PRKG1: variants seen among roughly 807,000 people sequenced by gnomAD.
The protein encoded by PRKG1 is cGMP-dependent protein kinase 1.
In PRKG1, 35 loss-of-function variants were observed where a neutral mutation model predicts 88.1. The observed-to-expected ratio is 0.40, with a 90% CI of 0.30 to 0.53. PRKG1 has a LOEUF of 0.53. Among genes scored for constraint, PRKG1 ranks in the 20% least tolerant of loss-of-function variants. The pLI is 0.59. For missense variants in PRKG1, 540 were observed against 839.8 expected, an observed-to-expected ratio of 0.64 and a Z score of 4.41; for synonymous variants, 303 against 292.5, an observed-to-expected ratio of 1.04 and a Z score of -0.37.
chr10:51,800,610 G>A (rs1052448211), intron 3 of PRKG1, among the ~76,000 whole-genome samples: 50 of 151,958 alleles, frequency 3.3e-4, no homozygotes, highest in African/African-American at 1.2e-3. Flanking sequence ...TTTTTAAGTG[G>A]GACCACTGTA....
rs186161387 is a variant in PRKG1 at position 51,723,415 on chromosome 10, T to G, written c.593-81170T>G. ...CATGTTCTCACTCATAAGTGGGAAT[T>G]GAACAACAAGAGCACATGAACACAG... On this transcript the variant is annotated intron_variant, in intron 3 of 17. Coordinates refer to ENST00000373980, the MANE Select transcript of PRKG1 (RefSeq NM_006258.4). Among the ~76,000 whole-genome samples, 8 of 152,210 alleles carry G rather than the reference T, an allele frequency of 5.3e-5. No homozygotes were observed. In the East Asian group the frequency reaches 1.2e-3, roughly 22 times the overall value.
chr10:51,634,962 T>A (rs1839618679), intron 3 of PRKG1, among the ~76,000 whole-genome samples: 1 of 152,058 alleles, frequency 6.6e-6, no homozygotes, highest in Admixed American at 6.6e-5. Context: ...GGGAGGAAGC[T>A]AAGGATTGAA....
At chr10:51,168,925 C>T (rs1188220557) in intron 2 of PRKG1, among the ~76,000 whole-genome samples, 1 of 152,108 alleles carries the variant, frequency 6.6e-6, no homozygotes, top group Non-Finnish European at 1.5e-5. Flanking sequence ...ATCCTTGATA[C>T]ATTTTGTGGG....
At chr10:52,061,740 C>A (rs1846240751) in intron 6 of PRKG1, among the ~76,000 whole-genome samples, 1 of 151,844 alleles carries the variant, frequency 6.6e-6, no homozygotes, top group African/African-American at 2.4e-5. Flanking sequence ...TAAAAAAGGG[C>A]CTATATGTAA....
intron 7 of PRKG1, among the ~76,000 whole-genome samples, chr10:52,123,834 AAT>A (rs1847874364): frequency 6.6e-6 from 1 of 152,098 alleles, no homozygotes; most frequent in Non-Finnish European, 1.5e-5. Flanking sequence ...AAAGAAAGTG[AAT>A]CTTAAAAAAA....
intron 2 of PRKG1, among the ~76,000 whole-genome samples, chr10:51,276,408 A>G (rs528706089): frequency 1.3e-5 from 2 of 152,316 alleles, no homozygotes; most frequent in Admixed American, 1.3e-4. Flanking sequence ...TATTGTGAAT[A>G]GTGCCGCAAT....
At chr10:51,762,547 C>T (rs1179128174) in intron 3 of PRKG1, among the ~76,000 whole-genome samples, 1 of 152,110 alleles carries the variant, frequency 6.6e-6, no homozygotes, top group Non-Finnish European at 1.5e-5. Flanking sequence ...GCAAAATGCC[C>T]TCATATAGCC....
chr10:50,998,217 T>C lies in PRKG1; in HGVS notation c.266+6573T>C, dbSNP rs150257188. On this transcript the variant is annotated intron_variant, in intron 1 of 17. Coordinates refer to the PRKG1 transcript ENST00000401604. ...CCTTTTCCATGCTCCTGGATCTGCCTGTGTTGTGTGTCCCTCTTTCGGGTC... is the reference window on the plus strand; with the variant it reads ...CCTTTTCCATGCTCCTGGATCTGCCCGTGTTGTGTGTCCCTCTTTCGGGTC... Among the ~76,000 whole-genome samples, 410 of 152,330 alleles carry C rather than the reference T, an allele frequency of 2.7e-3. 2 individuals are homozygous for C. Among genetic ancestry groups the C allele is most frequent in the African/African-American group, 9.5e-3 (395 of 41,570 alleles).
At chr10:51,837,263 A>C (rs1840155688) in intron 4 of PRKG1, among the ~76,000 whole-genome samples, 1 of 152,132 alleles carries the variant, frequency 6.6e-6, no homozygotes, top group Non-Finnish European at 1.5e-5. Context: ...AGTTTTATAA[A>C]GTTTTTTCTA....
chr10:52,079,360 G>A (rs1004175668), intron 7 of PRKG1, among the ~76,000 whole-genome samples: 1 of 152,002 alleles, frequency 6.6e-6, no homozygotes, highest in Non-Finnish European at 1.5e-5. Context: ...ACCCCTGCCC[G>A]AAGCCTGAGC....
intron 3 of PRKG1, among the ~76,000 whole-genome samples, chr10:51,766,029 A>G (rs1838153045): frequency 6.6e-6 from 1 of 152,078 alleles, no homozygotes; most frequent in African/African-American, 2.4e-5. Context: ...CTCATGTTGC[A>G]GTCACACCAA....
chr10:52,134,621 T>C (rs145620977), intron 8 of PRKG1, among the ~76,000 whole-genome samples: 1 of 152,284 alleles, frequency 6.6e-6, no homozygotes, highest in Non-Finnish European at 1.5e-5. Context: ...TGTATGTGGA[T>C]AAATTCATCG....
At chr10:52,073,327 T>A (rs760955274) in intron 7 of PRKG1, among the ~76,000 whole-genome samples, 3 of 152,146 alleles carry the variant, frequency 2.0e-5, no homozygotes, top group Non-Finnish European at 4.4e-5. Context: ...CTTCGACATA[T>A]CTTTTGGGAG....
intron 1 of PRKG1, among the ~76,000 whole-genome samples, chr10:51,005,105 A>G (rs1466272116): frequency 6.6e-6 from 1 of 152,128 alleles, no homozygotes; most frequent in Non-Finnish European, 1.5e-5. Flanking sequence ...TTACTGAACG[A>G]TATCTTTGCA....
chr10:51,391,620 G>A (rs1168831669), intron 2 of PRKG1, among the ~76,000 whole-genome samples: 1 of 152,230 alleles, frequency 6.6e-6, no homozygotes, highest in African/African-American at 2.4e-5. Context: ...TAGGTGGAAT[G>A]CTCTAGGCAG....
At chr10:52,013,158 C>T (rs1844940545) in intron 5 of PRKG1, among the ~76,000 whole-genome samples, 1 of 152,156 alleles carries the variant, frequency 6.6e-6, no homozygotes, top group South Asian at 2.1e-4. Context: ...GTGGCTCACG[C>T]CTGTAATCCC....
At chr10:51,170,971 C>T (rs975329323) in intron 2 of PRKG1, among the ~76,000 whole-genome samples, 1 of 152,070 alleles carries the variant, frequency 6.6e-6, no homozygotes, top group Non-Finnish European at 1.5e-5. Context: ...TGGTACCAAG[C>T]ACACATATCA....
intron 8 of PRKG1, among the ~76,000 whole-genome samples, chr10:52,149,905 G>T (rs1428275289): frequency 1.3e-5 from 2 of 151,994 alleles, no homozygotes; most frequent in Non-Finnish European, 2.9e-5. Flanking sequence ...CCAGCACTTT[G>T]GGAGGCCAAG....
intron 2 of PRKG1, among the ~76,000 whole-genome samples, chr10:51,164,128 C>T (rs1434071364): frequency 1.3e-5 from 2 of 152,186 alleles, no homozygotes; most frequent in African/African-American, 4.8e-5. Flanking sequence ...CCCCGAGCAG[C>T]CTAACTGGGA....
Sources: allele counts gnomAD v4.1 joint callset (sites outside exome capture counted in the v4.1 genomes callset), GRCh38; gene constraint gnomAD v4.1.1; transcripts MANE v1.5; gene names NCBI Gene and HGNC (gene_info 2026-07-23, HGNC 2026-07-21).